FGF14: variants seen among roughly 807,000 people sequenced by gnomAD.
FGF14 encodes the protein fibroblast growth factor homologous factor 4.
In FGF14, 5 loss-of-function variants were observed where a neutral mutation model predicts 25.5. That is an observed-to-expected ratio of 0.20 (90% CI 0.10 to 0.41). The LOEUF is 0.41. Ranked by LOEUF, FGF14 falls within the 10% of genes least tolerant of loss-of-function variation. FGF14 has a pLI of 1.00. For synonymous variants in FGF14, 138 were observed against 118.3 expected (o/e 1.17, Z -1.08); for missense variants, 222 against 320.1 (o/e 0.69, Z 2.34).
intron 2 of FGF14, among the ~76,000 whole-genome samples, 177 bp downstream of exon 2, chr13:101,875,009 C>T: frequency 6.6e-6 from 1 of 152,218 alleles, no homozygotes; most frequent in East Asian, 1.9e-4. Flanking sequence ...TTTGGTTACT[C>T]CATTAATATT....
Position 101,721,618 on chromosome 13 carries a change from A to G in FGF14, c.*1213T>C, listed in dbSNP as rs1186704925. On this transcript the variant is annotated 3_prime_UTR_variant, in exon 5 of 5. Coordinates refer to ENST00000376143, the MANE Select transcript of FGF14 (RefSeq NM_004115.4). ...AAAAAATATTTTTCCTAATATGTCC[A>G]GTTTAAAAACTTGTCATTAAACACC... is the stretch of plus-strand genomic sequence containing the variant. The G allele has an allele frequency of 6.6e-6, 1 of 152,134 alleles. No homozygotes were observed. The highest frequency in any genetic ancestry group is 2.4e-5 in the African/African-American group (1 of 41,440). 9.4% of individuals were successfully genotyped at this position (152,134 alleles called of 1,614,324 possible).
chr13:102,287,995 A>G (rs2054191359), intron 1 of FGF14, among the ~76,000 whole-genome samples: 1 of 152,240 alleles, frequency 6.6e-6, no homozygotes, highest in Non-Finnish European at 1.5e-5. Flanking sequence ...TTGAGGATGA[A>G]TGATAAAAAG....
chr13:102,001,814 G>A (rs932626373), intron 1 of FGF14, among the ~76,000 whole-genome samples: 6 of 152,172 alleles, frequency 3.9e-5, no homozygotes, highest in African/African-American at 1.2e-4. Flanking sequence ...GAAGAGCACT[G>A]CAAGAAAACC....
At chr13:102,135,268 A>G (rs2046365614) in intron 1 of FGF14, among the ~76,000 whole-genome samples, 1 of 152,120 alleles carries the variant, frequency 6.6e-6, no homozygotes, top group African/African-American at 2.4e-5. Context: ...CACACTAGGA[A>G]AAAATGTGAC....
At chr13:102,098,389 T>G (rs1013094026) in intron 1 of FGF14, among the ~76,000 whole-genome samples, 9 of 152,170 alleles carry the variant, frequency 5.9e-5, no homozygotes, top group African/African-American at 2.2e-4. Context: ...GATCTATCAT[T>G]TTTTTGTGAG....
At chr13:101,760,235 A>C (rs1342872693) in intron 3 of FGF14, among the ~76,000 whole-genome samples, 1 of 152,210 alleles carries the variant, frequency 6.6e-6, no homozygotes, top group African/African-American at 2.4e-5. Flanking sequence ...CTTTGAAAGC[A>C]TTTCAGTTCC....
chr13:102,025,671 A>T (rs2040886083), intron 1 of FGF14, among the ~76,000 whole-genome samples: 2 of 152,078 alleles, frequency 1.3e-5, no homozygotes, highest in South Asian at 4.1e-4. Context: ...AGACTCCCAA[A>T]GTGCTGCGAT....
intron 1 of FGF14, among the ~76,000 whole-genome samples, chr13:102,269,505 T>C (rs911384680): frequency 6.6e-6 from 1 of 152,208 alleles, no homozygotes; most frequent in African/African-American, 2.4e-5. Context: ...TTCTGAGGCA[T>C]TAAATTATCA....
chr13:101,993,538 G>A (rs1198055654), intron 1 of FGF14, among the ~76,000 whole-genome samples: 1 of 152,048 alleles, frequency 6.6e-6, no homozygotes, highest in East Asian at 1.9e-4. Flanking sequence ...ATAGTGAAAT[G>A]TATGGCAGCA....
intron 1 of FGF14, among the ~76,000 whole-genome samples, chr13:101,929,452 G>A (rs1389394223): frequency 3.3e-5 from 5 of 152,202 alleles, no homozygotes; most frequent in Admixed American, 2.6e-4. Flanking sequence ...CAAAAAGCCT[G>A]TCAGTGACGA....
Position 101,891,425 on chromosome 13 carries a change from T to C in FGF14, c.194-16129A>G, listed in dbSNP as rs890382124. Among the ~76,000 whole-genome samples the C allele has an allele frequency of 3.3e-5, 5 of 152,138 alleles. No homozygotes were observed. The East Asian group carries it at 7.7e-4, about 23-fold the overall frequency. On this transcript the variant is annotated intron_variant, in intron 1 of 4. Transcript: ENST00000376143. ...CAAAAAGCAACCTAATGCCTAGTAG[T>C]AATACAAGAATGCATCCTTCTCTTT...
upstream of FGF14, chr13:102,401,789 C>G: frequency 1.1e-6 from 1 of 921,158 alleles, no homozygotes. Context: ...AATGATTTAT[C>G]CCCCCTCGAT....
intron 1 of FGF14, among the ~76,000 whole-genome samples, chr13:102,288,583 A>AT (rs1025009720): frequency 1.3e-5 from 2 of 151,672 alleles, no homozygotes; most frequent in African/African-American, 4.8e-5. Flanking sequence ...TTTATTTAAA[A>AT]TTTTTTTATT....
chr13:101,848,359 A>G (rs1414883325), intron 3 of FGF14, among the ~76,000 whole-genome samples: 2 of 152,068 alleles, frequency 1.3e-5, no homozygotes, highest in East Asian at 3.9e-4. Flanking sequence ...ACATAACTCT[A>G]TAGACTCCTA....
At chr13:102,161,650 A>AAGGAGGAGGAGG (rs2047733791) in intron 1 of FGF14, among the ~76,000 whole-genome samples, 1 of 42,848 alleles carries the variant, frequency 2.3e-5, no homozygotes, top group Non-Finnish European at 4.4e-5. Flanking sequence ...GAAGAAGAAG[A>AAGGAGGAGGAGG]AGAAGAAGAA....
intron 1 of FGF14, among the ~76,000 whole-genome samples, chr13:102,206,194 A>G (rs16959949): frequency 0.38 from 57,111 of 149,916 alleles, 12,204 homozygotes; most frequent in African/African-American, 0.59. Flanking sequence ...TTTCAGAGCA[A>G]GTTGGGTGTA....
intron 3 of FGF14, among the ~76,000 whole-genome samples, chr13:101,862,168 A>C (rs927731358): frequency 2.0e-5 from 3 of 152,066 alleles, no homozygotes; most frequent in East Asian, 1.9e-4. Flanking sequence ...GGATTCCAGG[A>C]ACATGGTGGA....
At chr13:102,110,029 T>C (rs1304938796) in intron 1 of FGF14, among the ~76,000 whole-genome samples, 1 of 152,218 alleles carries the variant, frequency 6.6e-6, no homozygotes. Flanking sequence ...TCAATGGATG[T>C]GGATCAGAAT....
intron 1 of FGF14, among the ~76,000 whole-genome samples, chr13:101,936,392 C>G (rs145909674): frequency 6.6e-6 from 1 of 152,212 alleles, no homozygotes; most frequent in East Asian, 1.9e-4. Context: ...TAGGCCACGT[C>G]TCCTAACCCT....
Sources: gnomAD v4.1 joint callset for allele counts (sites outside exome capture counted in the v4.1 genomes callset) on GRCh38, gnomAD v4.1.1 for gene constraint, MANE v1.5 for transcripts, NCBI Gene and HGNC (gene_info 2026-07-23, HGNC 2026-07-21) for gene names.